NEDD9: variants seen among roughly 807,000 people sequenced by gnomAD.
NEDD9 encodes neural precursor cell expressed, developmentally down-regulated 9, also known as enhancer of filamentation 1.
In NEDD9, 26 loss-of-function variants were observed where a neutral mutation model predicts 76.6. That is an observed-to-expected ratio of 0.34 (90% CI 0.25 to 0.47). The LOEUF is 0.47. Among genes scored for constraint, NEDD9 ranks in the 20% least tolerant of loss-of-function variants. The pLI is 1.00. For missense variants in NEDD9, 937 were observed against 1,058.5 expected (o/e 0.89, Z 1.59); for synonymous variants, 392 against 414.2 (o/e 0.95, Z 0.65).
chr6:11,348,596 G>C (rs1320265548), intron 1 of NEDD9, among the ~76,000 whole-genome samples: 6 of 152,132 alleles, frequency 3.9e-5, no homozygotes, highest in African/African-American at 1.4e-4. Flanking sequence ...CAATGGAACA[G>C]AATAGAGAGC....
At chr6:11,284,771 G>A (rs1308568422) in intron 3 of NEDD9, among the ~76,000 whole-genome samples, 1 of 150,090 alleles carries the variant, frequency 6.7e-6, no homozygotes, top group Non-Finnish European at 1.5e-5. Context: ...AATCAACAAT[G>A]ATTGCTAATA....
At chr6:11,291,765 T>C (rs564122587) in intron 3 of NEDD9, among the ~76,000 whole-genome samples, 1 of 152,250 alleles carries the variant, frequency 6.6e-6, no homozygotes, top group African/African-American at 2.4e-5. Context: ...TGGTCAAAAC[T>C]GGAAAAATAG....
At chr6:11,301,138 C>T (rs558986598) in intron 3 of NEDD9, among the ~76,000 whole-genome samples, 12 of 152,176 alleles carry the variant, frequency 7.9e-5, no homozygotes, top group Admixed American at 2.6e-4. Flanking sequence ...TGTGCAAAGA[C>T]GCACATAGGC....
At chr6:11,355,029 T>G (rs1762539996) in intron 1 of NEDD9, among the ~76,000 whole-genome samples, 1 of 152,208 alleles carries the variant, frequency 6.6e-6, no homozygotes, top group Non-Finnish European at 1.5e-5. Context: ...ATCCTTTTGT[T>G]TTCTTTTACT....
intron 3 of NEDD9, among the ~76,000 whole-genome samples, chr6:11,303,146 C>T (rs1446470160): frequency 6.6e-6 from 1 of 152,204 alleles, no homozygotes; most frequent in Non-Finnish European, 1.5e-5. Context: ...TCTCCTTAAG[C>T]TAATAAGCAA....
chr6:11,319,949 G>A (rs1042844649), intron 2 of NEDD9, among the ~76,000 whole-genome samples: 4 of 150,574 alleles, frequency 2.7e-5, no homozygotes, highest in African/African-American at 9.7e-5. Flanking sequence ...TACCTGTTGT[G>A]AGGATTGAAT....
At chr6:11,312,692 T>TTATATATATATATTA (rs1761409873) in intron 2 of NEDD9, among the ~76,000 whole-genome samples, 1 of 65,924 alleles carries the variant, frequency 1.5e-5, no homozygotes, top group Non-Finnish European at 3.8e-5. Context: ...ATTATATATA[T>TTATATATATATATTA]TATATATATA....
At chr6:11,245,609 G>A (rs541081713) in intron 3 of NEDD9, among the ~76,000 whole-genome samples, 71 of 148,456 alleles carry the variant, frequency 4.8e-4, no homozygotes, top group Non-Finnish European at 7.8e-4. Context: ...CAGCCAACGC[G>A]GCTGCAGGAA....
At chr6:11,287,771 A>G (rs779031733) in intron 3 of NEDD9, among the ~76,000 whole-genome samples, 5 of 152,180 alleles carry the variant, frequency 3.3e-5, no homozygotes, top group Non-Finnish European at 7.3e-5. Flanking sequence ...GAGAGTAGCA[A>G]AAGGATAAGG....
At chr6:11,202,792 T>C (rs9295813) in intron 2 of NEDD9, among the ~76,000 whole-genome samples, 43,037 of 152,130 alleles carry the variant, frequency 0.28, 7,498 homozygotes, top group African/African-American at 0.49. Context: ...CCATGTATTT[T>C]TGAAGGTGAA....
intron 1 of NEDD9, among the ~76,000 whole-genome samples, chr6:11,371,312 G>A (rs753151711): frequency 2.6e-5 from 4 of 152,120 alleles, no homozygotes; most frequent in Non-Finnish European, 2.9e-5. Flanking sequence ...AGTAGGGTTC[G>A]CACCTGGTGG....
intron 2 of NEDD9, among the ~76,000 whole-genome samples, chr6:11,332,163 A>C (rs559793862): frequency 5.6e-4 from 86 of 152,344 alleles, no homozygotes; most frequent in African/African-American, 2.0e-3. Context: ...AGGAAAAGTA[A>C]GGCAAGATCT....
intron 2 of NEDD9, chr6:11,199,746 C>T (rs964729882): frequency 1.5e-5 from 2 of 136,056 alleles, no homozygotes; most frequent in East Asian, 2.3e-4. Context: ...CCGCAAGCTC[C>T]GCCTCCTGAG....
chr6:11,256,661 G>C (rs139969705), intron 3 of NEDD9, among the ~76,000 whole-genome samples: 4 of 151,972 alleles, frequency 2.6e-5, no homozygotes, highest in African/African-American at 9.7e-5. Context: ...ACAGGGTTTC[G>C]CCATGTTGCC....
chr6:11,323,157 A>G (rs945205570), intron 2 of NEDD9, among the ~76,000 whole-genome samples: 1 of 152,238 alleles, frequency 6.6e-6, no homozygotes, highest in African/African-American at 2.4e-5. Context: ...CGGTGAGCTC[A>G]CAAAAATCTT....
chr6:11,190,169 T>C lies in NEDD9; in HGVS notation c.1700A>G (p.Lys567Arg). ...FRPGPGSLHL[K>R]NGPESIMNST... ...GTTCATGATGCTCTCCGGCCCATTC[T>C]TCAGATGCAAGCTGCCAGGGCCGGG... The change falls in exon 5 of 7, where the codon AAG (lysine) becomes AGG (arginine). Residue 567 changes from lysine to arginine, a missense_variant. By Grantham distance (26) the Lys-to-Arg change is conservative. Transcript: ENST00000379446. This position sits in a 1 kb window ranked among gnomAD's most constrained non-coding sequence, Gnocchi z 5.8. 6.2e-7 allele frequency: 1 copy of C among 1,614,208 alleles called. No homozygotes were observed. Among genetic ancestry groups the C allele is most frequent in the Non-Finnish European group, 8.5e-7 (1 of 1,180,030 alleles).
At chr6:11,239,111 G>C (rs1759661243) in intron 3 of NEDD9, among the ~76,000 whole-genome samples, 1 of 152,152 alleles carries the variant, frequency 6.6e-6, no homozygotes, top group Non-Finnish European at 1.5e-5. Context: ...ACGCTGCAGT[G>C]TGCCATGTTT....
intron 3 of NEDD9, among the ~76,000 whole-genome samples, chr6:11,270,773 A>G (rs1760289765): frequency 6.6e-6 from 1 of 152,202 alleles, no homozygotes; most frequent in South Asian, 2.1e-4. Flanking sequence ...CGTTCAGTCT[A>G]GCAGGACAGA....
intron 1 of NEDD9, among the ~76,000 whole-genome samples, chr6:11,346,585 T>A (rs1418044222): frequency 6.6e-6 from 1 of 152,194 alleles, no homozygotes; most frequent in Non-Finnish European, 1.5e-5. Flanking sequence ...GCTCTGTCTT[T>A]GATTCATCTC....
Sources: allele counts gnomAD v4.1 joint callset (sites outside exome capture counted in the v4.1 genomes callset), GRCh38; gene constraint gnomAD v4.1.1; non-coding constraint Gnocchi (gnomAD v3.1); transcripts MANE v1.5; gene names NCBI Gene and HGNC (gene_info 2026-07-23, HGNC 2026-07-21).